NUP160: variants seen among roughly 807,000 people sequenced by gnomAD.
NUP160 encodes nucleoporin 160, also known as nuclear pore complex protein Nup160.
In NUP160, 94 loss-of-function variants were observed where a neutral mutation model predicts 196.9. The ratio of observed to expected loss-of-function variants is 0.48; its 90% CI spans 0.40 to 0.57. The LOEUF is 0.57. Ranked by LOEUF, NUP160 falls within the 20% of genes least tolerant of loss-of-function variation. The probability of loss-of-function intolerance (pLI) is 0.00; values close to 1 mark genes in which losing one functional copy is unlikely to be tolerated. For missense variants in NUP160, 1,638 were observed against 1,748.3 expected (o/e 0.94, Z 1.13); for synonymous variants, 605 against 619.7 (o/e 0.98, Z 0.35).
chr11:47,829,130 T>C (rs1852028519), intron 7 of NUP160, among the ~76,000 whole-genome samples: 3 of 152,248 alleles, frequency 2.0e-5, no homozygotes, highest in Non-Finnish European at 2.9e-5. Context: ...ATGTGCTTCA[T>C]GGGACACCAT....
At chr11:47,806,688 A>C (rs560948943) in intron 19 of NUP160, among the ~76,000 whole-genome samples, 40 of 152,212 alleles carry the variant, frequency 2.6e-4, no homozygotes, top group Middle Eastern at 3.4e-3. Context: ...GGATACTTTT[A>C]AATATCTGTT....
chr11:47,807,085 T>C, exon 19 of NUP160: 1 of 1,610,328 alleles, frequency 6.2e-7, no homozygotes, highest in Non-Finnish European at 8.5e-7. Flanking sequence ...CTATTTGCCA[T>C]TAAAGCACCA....
At chr11:47,792,208 G>T in intron 28 of NUP160, 1 of 467,678 alleles carries the variant, frequency 2.1e-6, no homozygotes, top group Admixed American at 4.0e-5. Context: ...CTGAGTCCAA[G>T]GACAGGGATT....
chr11:47,838,091 A>G (rs1240813107), intron 4 of NUP160, among the ~76,000 whole-genome samples: 1 of 152,228 alleles, frequency 6.6e-6, no homozygotes, highest in Non-Finnish European at 1.5e-5. Flanking sequence ...CAAAAGGAGT[A>G]CAGAGAGTGC....
intron 14 of NUP160, 74 bp from the exon 15 acceptor site, chr11:47,813,121 T>G: frequency 8.8e-7 from 1 of 1,140,608 alleles, no homozygotes; most frequent in Non-Finnish European, 1.3e-6. Flanking sequence ...CATTAAAATG[T>G]TAATAATTAA....
chr11:47,839,943 G>C (rs1852262006), exon 4 of NUP160: 3 of 1,614,172 alleles, frequency 1.9e-6, no homozygotes, highest in Non-Finnish European at 1.7e-6. Context: ...AGGCTGTAGA[G>C]GCGGTGGAAT....
intron 2 of NUP160, chr11:47,841,642 G>A (rs575366402): frequency 3.3e-4 from 130 of 399,544 alleles, no homozygotes; most frequent in African/African-American, 2.6e-3. Context: ...GCTCTAGTTC[G>A]AGAGATTGAG....
At chr11:47,787,058 GA>G (rs1404741055) in intron 31 of NUP160, 2 of 146,296 alleles carry the variant, frequency 1.4e-5, no homozygotes. Flanking sequence ...AAAGTCCTGG[GA>G]TAACAGGTAT....
At chr11:47,828,698 C>T (rs952189096) in intron 7 of NUP160, among the ~76,000 whole-genome samples, 1 of 151,966 alleles carries the variant, frequency 6.6e-6, no homozygotes, top group African/African-American at 2.4e-5. Flanking sequence ...TCCTACAAAG[C>T]AAGAGTAATC....
chr11:47,779,286 C>T (rs1420402217), intron 35 of NUP160, 92 bp from the exon 36 acceptor site: 3 of 767,964 alleles, frequency 3.9e-6, no homozygotes, highest in Non-Finnish European at 6.4e-6. Context: ...CAAGTAGATT[C>T]CACCTTATAA....
At chr11:47,796,643 G>T (rs1393863841) in intron 27 of NUP160, among the ~76,000 whole-genome samples, 1 of 152,164 alleles carries the variant, frequency 6.6e-6, no homozygotes, top group African/African-American at 2.4e-5. Context: ...TAACTTTTCT[G>T]TAGACTTGAC....
At chr11:47,847,886 G>C (rs1852431341) in exon 2 of NUP160, 1 of 1,613,826 alleles carries the variant, frequency 6.2e-7, no homozygotes, top group South Asian at 1.1e-5. Flanking sequence ...AGAACAACTT[G>C]CCACTCTCCA....
At chr11:47,789,772 T>C (rs1599307404) in intron 29 of NUP160, among the ~76,000 whole-genome samples, 1 of 152,094 alleles carries the variant, frequency 6.6e-6, no homozygotes, top group East Asian at 1.9e-4. Flanking sequence ...GCATGTATAG[T>C]TGACCCTTGA....
intron 32 of NUP160, among the ~76,000 whole-genome samples, chr11:47,785,419 C>T (rs1370362599): frequency 6.6e-6 from 1 of 152,118 alleles, no homozygotes; most frequent in East Asian, 1.9e-4. Flanking sequence ...GCAGGAGTCA[C>T]CATGCCCAGC....
At chr11:47,794,598 G>A (rs1334623315) in intron 27 of NUP160, among the ~76,000 whole-genome samples, 5 of 151,840 alleles carry the variant, frequency 3.3e-5, no homozygotes, top group South Asian at 2.1e-4. Context: ...GTGAAACGTC[G>A]TCTCTACTAA....
At chr11:47,828,923 A>T (rs1245492516) in intron 7 of NUP160, among the ~76,000 whole-genome samples, 1 of 151,414 alleles carries the variant, frequency 6.6e-6, no homozygotes, top group South Asian at 2.1e-4. Flanking sequence ...TCACACTATT[A>T]AAAAAAAACC....
intron 34 of NUP160, 71 bp from the exon 35 acceptor site, chr11:47,780,518 G>A (rs1192045153): frequency 2.2e-6 from 2 of 925,746 alleles, no homozygotes; most frequent in East Asian, 5.2e-5. Flanking sequence ...TGCTTTCATA[G>A]GACTCTGTAG....
rs917883140 is a variant in NUP160, at chr11:47,816,203, G to T, written c.1432-174C>A. Among the ~76,000 whole-genome samples the T allele has an allele frequency of 2.0e-5, 3 of 152,186 alleles. No homozygotes were observed. In the East Asian group the frequency reaches 5.8e-4, roughly 29 times the overall value. On this transcript the variant is annotated intron_variant, in intron 11 of 35. Coordinates refer to ENST00000378460, the Ensembl canonical transcript of NUP160. The stretch of plus-strand genomic sequence containing the variant: ...ACTGGGTGTATTTAGTCTGGAGAAA[G>T]GTGACCTGGAAAGATTCTTAAAATA...
chr11:47,808,427 A>T lies in NUP160; in HGVS notation c.2344T>A (p.Cys782Ser), dbSNP rs149467309. 7 of 1,613,444 alleles carry T rather than the reference A, an allele frequency of 4.3e-6. No homozygotes were observed. The highest frequency in any genetic ancestry group is 2.2e-5 in the East Asian group (1 of 44,884). ...TCAAGTGGAACATCAGTTGCCAAGC[A>T]CTCACTTCCCCATTTAATGAGGTAA... The change falls in exon 18 of 36, where the codon TGC becomes AGC. Residue 782 changes from cysteine to serine, a missense_variant. By Grantham distance (112) the Cys-to-Ser change is moderately radical. Transcript: ENST00000378460.
Sources: gnomAD v4.1 joint callset for allele counts (sites outside exome capture counted in the v4.1 genomes callset) on GRCh38, gnomAD v4.1.1 for gene constraint, MANE v1.5 for transcripts, NCBI Gene and HGNC (gene_info 2026-07-23, HGNC 2026-07-21) for gene names.